Variants in FOXK1 observed in about 807,000 individuals in gnomAD.
FOXK1 encodes the protein forkhead box protein K1.
Under a neutral mutation model 51.9 loss-of-function variants are expected in FOXK1, and 19 were observed. That is an observed-to-expected ratio of 0.37 (90% CI 0.26 to 0.54). FOXK1 has a LOEUF of 0.54. Among genes scored for constraint, FOXK1 ranks in the 20% least tolerant of loss-of-function variants. FOXK1 has a pLI of 0.87. For missense variants in FOXK1, 870 were observed against 1,032.7 expected (o/e 0.84, Z 2.16); for synonymous variants, 537 against 482.6 (o/e 1.11, Z -1.48).
chr7:4,761,200 C>G lies in FOXK1; in HGVS notation c.1833C>G (p.Thr611=). 6.2e-7 allele frequency: 1 copy of G among 1,613,116 alleles called. No homozygotes were observed. Among genetic ancestry groups the G allele is most frequent in the South Asian group, 1.1e-5 (1 of 91,088 alleles). ...TCCTGCAGCCCGCCACACCCGTGAC[C>G]CTCGGGCAGCACCACCTTCCAGTCC... ...VTILQPATPV[T]LGQHHLPVRA... The change falls in exon 8 of 9, where the codon ACC becomes ACG. Residue 611 remains threonine (T), a synonymous_variant. Coordinates refer to ENST00000328914, the MANE Select transcript of FOXK1 (RefSeq NM_001037165.2). This position sits in a 1 kb window ranked among gnomAD's most constrained non-coding sequence, Gnocchi z 6.2.
At chr7:4,697,274 G>A (rs1017865557) in intron 1 of FOXK1, among the ~76,000 whole-genome samples, 3 of 152,080 alleles carry the variant, frequency 2.0e-5, no homozygotes, top group South Asian at 2.1e-4. Context: ...CTCAGTCTCC[G>A]GCCACTCCAA....
In FOXK1 at chr7:4,722,591, C is replaced by T. The variant is rs990071077; in HGVS notation, c.561-18247C>T. ...GCAGCACGGGCACACTCGTATACAA[C>T]GGGCACACATGCACGTCAGCCGCAC... On this transcript the variant is annotated intron_variant, in intron 1 of 8. Transcript: ENST00000328914. The surrounding 1 kb of genome is among the most constrained non-coding windows in gnomAD (Gnocchi z 5.1). 1.3e-5 allele frequency among the ~76,000 whole-genome samples: 2 copies of T among 152,246 alleles called. No homozygotes were observed. Among genetic ancestry groups the T allele is most frequent in the African/African-American group, 4.8e-5 (2 of 41,460 alleles).
rs1328244961 is a variant in FOXK1, at chr7:4,703,945, G to GA, written c.560+21083dup. ...AAATACAGAAAACCAAACCTGGTGGGAAAAAATGCGTGTATACGTACCCCT... is the reference window on the plus strand; with the variant it reads ...AAATACAGAAAACCAAACCTGGTGGGAAAAAAATGCGTGTATACGTACCCCT... On this transcript the variant is annotated intron_variant, in intron 1 of 8. Transcript: ENST00000328914. The surrounding 1 kb of genome is among the most constrained non-coding windows in gnomAD (Gnocchi z 5.6). Among the ~76,000 whole-genome samples the GA allele has an allele frequency of 3.3e-5, 5 of 152,202 alleles. No homozygotes were observed. The highest frequency in any genetic ancestry group is 7.4e-5 in the Non-Finnish European group (5 of 67,988).
chr7:4,726,049 T>C (rs1780377322), intron 1 of FOXK1, among the ~76,000 whole-genome samples: 1 of 151,608 alleles, frequency 6.6e-6, no homozygotes. Flanking sequence ...GACCTTTTGC[T>C]CTCTGTTGGG....
At position 4,682,987 on chromosome 7, in the gene FOXK1, C is replaced by G. The variant is rs1779772222; in HGVS notation, c.560+119C>G. 21 of 1,071,902 alleles carry G rather than the reference C, an allele frequency of 2.0e-5. No homozygotes were observed. The highest frequency in any genetic ancestry group is 3.4e-5 in the Admixed American group (1 of 29,708). The allele number at this position is 1,071,902 out of a possible 1,614,324, so 66.4% of individuals were successfully genotyped here. On this transcript the variant is annotated intron_variant, in intron 1 of 8. Coordinates refer to ENST00000328914, the MANE Select transcript of FOXK1 (RefSeq NM_001037165.2). This position sits in a 1 kb window ranked among gnomAD's most constrained non-coding sequence, Gnocchi z 7.6. ...CTCGGCCTCGACCCCCACCCCCCGG[C>G]CCACCCCCGGTAACCCCCGACCGGC... is the stretch of plus-strand genomic sequence containing the variant.
rs763760635 is a variant in FOXK1 at position 4,767,454 on chromosome 7, C to G, written c.*4990C>G. Reference sequence around the variant, plus strand: ...AACGTGTTTACCCACAGCCTCGCCTCGAGCCTCCTTGACAATACCGCTGCT... The same window carrying G: ...AACGTGTTTACCCACAGCCTCGCCTGGAGCCTCCTTGACAATACCGCTGCT... On this transcript the variant is annotated 3_prime_UTR_variant, in exon 9 of 9. Coordinates refer to ENST00000328914, the MANE Select transcript of FOXK1 (RefSeq NM_001037165.2). The surrounding 1 kb of genome is among the most constrained non-coding windows in gnomAD (Gnocchi z 6.6). The G allele has an allele frequency of 6.6e-6, 1 of 152,216 alleles. No homozygotes were observed. The highest frequency in any genetic ancestry group is 1.5e-5 in the Non-Finnish European group (1 of 68,048). 9.4% of individuals were successfully genotyped at this position (152,216 alleles called of 1,614,324 possible). A position where few individuals can be genotyped will look rare whatever the true frequency, so the allele number is the denominator to read the frequency against.
At chr7:4,742,098 G>T (rs907032141) in intron 2 of FOXK1, among the ~76,000 whole-genome samples, 7 of 152,256 alleles carry the variant, frequency 4.6e-5, no homozygotes, top group African/African-American at 1.7e-4. Flanking sequence ...CGGAGCTGTG[G>T]CTCCTCCGCA....
At chr7:4,701,845 A>T (rs1258508529) in intron 1 of FOXK1, among the ~76,000 whole-genome samples, 1 of 152,352 alleles carries the variant, frequency 6.6e-6, no homozygotes, top group East Asian at 1.9e-4. Context: ...GTGAGCGGAG[A>T]TCGCGCCACT....
intron 1 of FOXK1, among the ~76,000 whole-genome samples, chr7:4,739,124 A>G (rs1399584573): frequency 6.6e-6 from 1 of 152,140 alleles, no homozygotes; most frequent in African/African-American, 2.4e-5. Context: ...GACTATTTAA[A>G]CATTGCTGCA....
chr7:4,690,232 G>C lies in FOXK1; in HGVS notation c.560+7364G>C, dbSNP rs541987883. Among the ~76,000 whole-genome samples, 5 of 152,366 alleles carry C rather than the reference G, an allele frequency of 3.3e-5. No individual in the cohort carries two copies. In the East Asian group the frequency reaches 9.6e-4, roughly 29 times the overall value. On this transcript the variant is annotated intron_variant, in intron 1 of 8. Transcript: ENST00000328914. ...TCCCGTTGGGTGATGGTTTTGAACC[G>C]GAGCTGGGGAGAACAATCACTGCTG...
At chr7:4,750,708 A>T (rs752445896) in intron 2 of FOXK1, among the ~76,000 whole-genome samples, 31 of 141,276 alleles carry the variant, frequency 2.2e-4, no homozygotes, top group African/African-American at 8.4e-4. Context: ...TCGGTCTCCC[A>T]TCTTTTTTTT....
At chr7:4,741,109 A>T in intron 2 of FOXK1, 86 bp downstream of exon 2, 1 of 987,794 alleles carries the variant, frequency 1.0e-6, no homozygotes, top group Non-Finnish European at 1.4e-6. Context: ...ACCGGGTTCC[A>T]AATCTCTCTG....
rs748907640 is a variant in FOXK1 at position 4,734,137 on chromosome 7, C to G, written c.561-6701C>G. On this transcript the variant is annotated intron_variant, in intron 1 of 8. Transcript: ENST00000328914. This position sits in a 1 kb window ranked among gnomAD's most constrained non-coding sequence, Gnocchi z 5.2. ...CGTGCCGCCCAGCTCCTAGAAGACA[C>G]GCGACTCCACAGCAGTTAGGAGACA... Among the ~76,000 whole-genome samples the G allele has an allele frequency of 6.6e-6, 1 of 152,176 alleles. No homozygotes were observed. Among genetic ancestry groups the G allele is most frequent in the Non-Finnish European group, 1.5e-5 (1 of 68,028 alleles).
At position 4,745,603 on chromosome 7, in the gene FOXK1, A is replaced by G. The variant is rs936947247; in HGVS notation, c.746+4580A>G. ...GTTTGACCTTTTCTTTCCTTTTTGCAAAGAAGGATTTTTACAGGCCAGGCG... is the reference window on the plus strand; with the variant it reads ...GTTTGACCTTTTCTTTCCTTTTTGCGAAGAAGGATTTTTACAGGCCAGGCG... On this transcript the variant is annotated intron_variant, in intron 2 of 8. Coordinates refer to ENST00000328914, the MANE Select transcript of FOXK1 (RefSeq NM_001037165.2). The surrounding 1 kb of genome is among the most constrained non-coding windows in gnomAD (Gnocchi z 4.3). Among the ~76,000 whole-genome samples the G allele has an allele frequency of 6.6e-6, 1 of 152,094 alleles. No individual in the cohort carries two copies. Among genetic ancestry groups the G allele is most frequent in the African/African-American group, 2.4e-5 (1 of 41,404 alleles).
At position 4,766,849 on chromosome 7, in the gene FOXK1, C is replaced by T. The variant is rs1352649415; in HGVS notation, c.*4385C>T. 6.6e-6 allele frequency: 1 copy of T among 152,188 alleles called. No individual in the cohort carries two copies. Among genetic ancestry groups the T allele is most frequent in the African/African-American group, 2.4e-5 (1 of 41,416 alleles). 9.4% of individuals were successfully genotyped at this position (152,188 alleles called of 1,614,324 possible). A position where few individuals can be genotyped will look rare whatever the true frequency, so the allele number is the denominator to read the frequency against. ...CGGGGAGCTGGGACTCTCCAGAAAG[C>T]CCCGGGTGAGGGCTCCGTCTTGAGA... On this transcript the variant is annotated 3_prime_UTR_variant, in exon 9 of 9. Coordinates refer to ENST00000328914, the MANE Select transcript of FOXK1 (RefSeq NM_001037165.2). The surrounding 1 kb of genome is among the most constrained non-coding windows in gnomAD (Gnocchi z 5.5).
chr7:4,739,976 C>G (rs1446812062), intron 1 of FOXK1, among the ~76,000 whole-genome samples: 1 of 151,940 alleles, frequency 6.6e-6, no homozygotes, highest in Non-Finnish European at 1.5e-5. Flanking sequence ...ATATTTATAT[C>G]TCTTCTGTTC....
In FOXK1 at chr7:4,722,473, G is replaced by T. The variant is rs906748103; in HGVS notation, c.561-18365G>T. On this transcript the variant is annotated intron_variant, in intron 1 of 8. Coordinates refer to ENST00000328914, the MANE Select transcript of FOXK1 (RefSeq NM_001037165.2). This position sits in a 1 kb window ranked among gnomAD's most constrained non-coding sequence, Gnocchi z 5.1. ...GTGGCAGCGGTGCCGGACATACACG[G>T]CAGGGCAGTGGGCTGCTCAGCACCA... Among the ~76,000 whole-genome samples, 1 of 152,238 alleles carries T rather than the reference G, an allele frequency of 6.6e-6. No homozygotes were observed.
At chr7:4,754,805 C>A in intron 3 of FOXK1, 190 bp downstream of exon 3, 2 of 736,568 alleles carry the variant, frequency 2.7e-6, no homozygotes, top group Non-Finnish European at 4.3e-6. Flanking sequence ...AAATCATCCC[C>A]GTTGGTCATT....
At chr7:4,728,345 C>T (rs1443865326) in intron 1 of FOXK1, among the ~76,000 whole-genome samples, 1 of 152,192 alleles carries the variant, frequency 6.6e-6, no homozygotes, top group East Asian at 1.9e-4. Context: ...AGATTTTAAC[C>T]CTCAGTCCTC....
Sources: gnomAD v4.1 joint callset for allele counts (sites outside exome capture counted in the v4.1 genomes callset) on GRCh38, gnomAD v4.1.1 for gene constraint, Gnocchi (gnomAD v3.1) non-coding constraint, MANE v1.5 for transcripts, NCBI Gene and HGNC (gene_info 2026-07-23, HGNC 2026-07-21) for gene names.